The following PCDHGB3 variants were observed in gnomAD, a reference collection of about 807,000 sequenced individuals.
PCDHGB3 encodes protocadherin gamma subfamily B, 3.
PCDHGB3 carries 40 observed loss-of-function variants against 59.2 expected under a neutral mutation model. That is an observed-to-expected ratio of 0.68 (90% confidence interval 0.52 to 0.88). The LOEUF (loss-of-function observed/expected upper bound fraction) is 0.88. PCDHGB3 is among the 40% of genes least tolerant of loss of function. The pLI is 0.00. For synonymous variants in PCDHGB3, 581 were observed against 503.6 expected, an observed-to-expected ratio of 1.15 and a Z score of -2.06; for missense variants, 1,309 against 1,187.9, an observed-to-expected ratio of 1.10 and a Z score of -1.50.
At chr5:141,436,668 C>CA (rs1159051861) in intron 1 of PCDHGB3, among the ~76,000 whole-genome samples, 1 of 151,748 alleles carries the variant, frequency 6.6e-6, no homozygotes, top group South Asian at 2.1e-4. Flanking sequence ...AGTGGTTGAC[C>CA]AAAAAAAGGA....
At position 141,487,641 on chromosome 5, in the gene PCDHGB3, T is replaced by C. The variant is rs1343702532; in HGVS notation, c.2416-7166T>C. The stretch of plus-strand genomic sequence containing the variant: ...GTGAGACCTTTGCAGGCTCAACAAA[T>C]GCTTGAGGGTTATTCTGATCCAGGC... On this transcript the variant is annotated intron_variant, in intron 1 of 3. Coordinates refer to ENST00000576222, the MANE Select transcript of PCDHGB3 (RefSeq NM_018924.5). The surrounding 1 kb of genome is among the most constrained non-coding windows in gnomAD (Gnocchi z 5.0). The C allele has an allele frequency of 6.2e-7, 1 of 1,614,122 alleles. No individual in the cohort carries two copies. Among genetic ancestry groups the C allele is most frequent in the Non-Finnish European group, 8.5e-7 (1 of 1,179,998 alleles).
At chr5:141,501,326 CACACA>C (rs2099807944) in intron 2 of PCDHGB3, among the ~76,000 whole-genome samples, 1 of 151,784 alleles carries the variant, frequency 6.6e-6, no homozygotes, top group Non-Finnish European at 1.5e-5. Flanking sequence ...CACACACACA[CACACA>C]CACCCCAAAC....
intron 2 of PCDHGB3, among the ~76,000 whole-genome samples, chr5:141,504,802 C>G (rs370355030): frequency 6.6e-6 from 1 of 152,030 alleles, no homozygotes; most frequent in East Asian, 1.9e-4. Context: ...ACATCTCCCC[C>G]TAGGTACCTC....
rs1251686604 is a variant in PCDHGB3 at position 141,485,257 on chromosome 5, T to C, written c.2416-9550T>C. ...TCTTTTACCACCTGGGTTACGTTTG[T>C]GGGCAGATCCGCTACCCGGTCCCAG... is the stretch of plus-strand genomic sequence containing the variant. On this transcript the variant is annotated intron_variant, in intron 1 of 3. Coordinates refer to ENST00000576222, the MANE Select transcript of PCDHGB3 (RefSeq NM_018924.5). This position sits in a 1 kb window ranked among gnomAD's most constrained non-coding sequence, Gnocchi z 5.7. The C allele has an allele frequency of 6.2e-7, 1 of 1,614,154 alleles. No homozygotes were observed.
intron 1 of PCDHGB3, among the ~76,000 whole-genome samples, chr5:141,439,270 A>G (rs1381185021): frequency 6.6e-6 from 1 of 152,140 alleles, no homozygotes; most frequent in African/African-American, 2.4e-5. Flanking sequence ...CCAACAGTTC[A>G]TTCTGAGACT....
Position 141,489,606 on chromosome 5 carries a change from G to A in PCDHGB3, c.2416-5201G>A. The stretch of plus-strand genomic sequence containing the variant: ...TGGAGCTAATCCGTGTAGAGGTAGA[G>A]ATCCTGGATCTCAATGACAACTCTC... On this transcript the variant is annotated intron_variant, in intron 1 of 3. Coordinates refer to ENST00000576222, the MANE Select transcript of PCDHGB3 (RefSeq NM_018924.5). This position sits in a 1 kb window ranked among gnomAD's most constrained non-coding sequence, Gnocchi z 4.5. The A allele has an allele frequency of 6.2e-7, 1 of 1,614,110 alleles. No homozygotes were observed.
intron 3 of PCDHGB3, 110 bp downstream of exon 3, chr5:141,505,591 G>T: frequency 6.4e-7 from 1 of 1,570,280 alleles, no homozygotes; most frequent in Non-Finnish European, 8.7e-7. Flanking sequence ...AGTTTCTCCA[G>T]ATCTTTCGGC....
Position 141,491,755 on chromosome 5 carries a change from G to A in PCDHGB3, c.2416-3052G>A. On this transcript the variant is annotated intron_variant, in intron 1 of 3. Transcript: ENST00000576222. This position sits in a 1 kb window ranked among gnomAD's most constrained non-coding sequence, Gnocchi z 6.9. Reference sequence around the variant, plus strand: ...CCCTGGGGGCGGCACTGGAGAAGCCGCCCGTCCTCATAAGGGATTGAACTT... The same window carrying A: ...CCCTGGGGGCGGCACTGGAGAAGCCACCCGTCCTCATAAGGGATTGAACTT... 6 of 1,582,196 alleles carry A rather than the reference G, an allele frequency of 3.8e-6. No individual in the cohort carries two copies. The highest frequency in any genetic ancestry group is 5.1e-6 in the Non-Finnish European group (6 of 1,165,450).
intron 1 of PCDHGB3, among the ~76,000 whole-genome samples, chr5:141,448,083 T>C (rs1020024755): frequency 2.6e-5 from 4 of 151,368 alleles, no homozygotes; most frequent in African/African-American, 9.7e-5. Context: ...CGAAATGCCA[T>C]CTTAAAAAAA....
At chr5:141,418,196 C>G in intron 1 of PCDHGB3, 1 of 1,614,032 alleles carries the variant, frequency 6.2e-7, no homozygotes, top group Non-Finnish European at 8.5e-7. Context: ...GGTGGAAAAT[C>G]CTTTAAATAT....
intron 1 of PCDHGB3, among the ~76,000 whole-genome samples, chr5:141,461,985 G>C (rs894777268): frequency 2.6e-5 from 4 of 152,170 alleles, no homozygotes; most frequent in Non-Finnish European, 5.9e-5. Flanking sequence ...CACCACGCCA[G>C]GCTAATTTTG....
At chr5:141,505,298 T>TA in intron 2 of PCDHGB3, 95 bp from the exon 3 acceptor site, 1 of 1,586,334 alleles carries the variant, frequency 6.3e-7, no homozygotes, top group Non-Finnish European at 8.6e-7. Context: ...GGGGTAGGGT[T>TA]AGGGTACTAG....
At chr5:141,499,707 T>G (rs1303008532) in intron 2 of PCDHGB3, among the ~76,000 whole-genome samples, 2 of 150,494 alleles carry the variant, frequency 1.3e-5, no homozygotes, top group African/African-American at 2.5e-5. Flanking sequence ...TTTTTTTTTT[T>G]TTTTGGAGAC....
chr5:141,459,981 G>C (rs1023972964), intron 1 of PCDHGB3, among the ~76,000 whole-genome samples: 7 of 152,330 alleles, frequency 4.6e-5, no homozygotes, highest in Admixed American at 1.3e-4. Context: ...AGGAGGCTGA[G>C]ACAGGAGAAT....
chr5:141,394,588 T>C, intron 1 of PCDHGB3: 5 of 1,613,660 alleles, frequency 3.1e-6, no homozygotes, highest in Non-Finnish European at 4.2e-6. Flanking sequence ...ACCAAGGTGG[T>C]GGCGGTGGAC....
Position 141,490,772 on chromosome 5 carries a change from C to T in PCDHGB3, c.2416-4035C>T. ...GCCTCCTCCTTTGTGTATGTCAACC[C>T]AGAGGATGGACGGATCTTTGCCCAG... On this transcript the variant is annotated intron_variant, in intron 1 of 3. Coordinates refer to ENST00000576222, the MANE Select transcript of PCDHGB3 (RefSeq NM_018924.5). This position sits in a 1 kb window ranked among gnomAD's most constrained non-coding sequence, Gnocchi z 5.4. 6.2e-7 allele frequency: 1 copy of T among 1,614,164 alleles called. No homozygotes were observed. The highest frequency in any genetic ancestry group is 1.1e-5 in the South Asian group (1 of 91,082).
chr5:141,490,396 A>G lies in PCDHGB3; in HGVS notation c.2416-4411A>G. ...GGACTCAGGTAGAAATGGTGAAGTGAGCCTTGATATCTCTCCGGACCTGCC... is the reference window on the plus strand; with the variant it reads ...GGACTCAGGTAGAAATGGTGAAGTGGGCCTTGATATCTCTCCGGACCTGCC... On this transcript the variant is annotated intron_variant, in intron 1 of 3. Coordinates refer to ENST00000576222, the MANE Select transcript of PCDHGB3 (RefSeq NM_018924.5). The surrounding 1 kb of genome is among the most constrained non-coding windows in gnomAD (Gnocchi z 5.4). 1 of 1,614,146 alleles carries G rather than the reference A, an allele frequency of 6.2e-7. No homozygotes were observed. The highest frequency in any genetic ancestry group is 8.5e-7 in the Non-Finnish European group (1 of 1,180,030).
intron 3 of PCDHGB3, among the ~76,000 whole-genome samples, chr5:141,510,330 C>T (rs1420880240): frequency 6.6e-6 from 1 of 151,298 alleles, no homozygotes; most frequent in Non-Finnish European, 1.5e-5. Context: ...GCACTCTTCA[C>T]CCCCACCCCA....
intron 1 of PCDHGB3, among the ~76,000 whole-genome samples, chr5:141,488,423 T>C (rs1204233986): frequency 2.0e-5 from 3 of 152,354 alleles, no homozygotes; most frequent in Non-Finnish European, 4.4e-5. Context: ...CCATCCATGC[T>C]TGGCCTCTGA....
Sources: allele counts gnomAD v4.1 joint callset (sites outside exome capture counted in the v4.1 genomes callset), GRCh38; gene constraint gnomAD v4.1.1; non-coding constraint Gnocchi (gnomAD v3.1); transcripts MANE v1.5; gene names NCBI Gene and HGNC (gene_info 2026-07-23, HGNC 2026-07-21).